Variants in SPATA6 observed in about 807,000 individuals in gnomAD.
SPATA6 encodes spermatogenesis-associated protein 6.
In SPATA6, 56 loss-of-function variants were observed where a neutral mutation model predicts 65.3. The observed-to-expected ratio is 0.86, with a 90% CI of 0.69 to 1.07. The LOEUF (loss-of-function observed/expected upper bound fraction) is 1.07. SPATA6 is among the 50% of genes least tolerant of loss of function. The pLI, the probability that SPATA6 is intolerant of heterozygous loss-of-function variation, is 0.00. For synonymous variants in SPATA6, 199 were observed against 213.2 expected (o/e 0.93, Z 0.58); for missense variants, 590 against 594.8 (o/e 0.99, Z 0.08).
At chr1:48,367,898 C>T (rs1296230017) in intron 9 of SPATA6, among the ~76,000 whole-genome samples, 1 of 152,166 alleles carries the variant, frequency 6.6e-6, no homozygotes, top group East Asian at 1.9e-4. Flanking sequence ...CCTTCATGAT[C>T]TTTATAATTT....
chr1:48,366,216 C>T (rs1027758475), intron 9 of SPATA6, among the ~76,000 whole-genome samples: 1 of 152,008 alleles, frequency 6.6e-6, no homozygotes, highest in Admixed American at 6.6e-5. Flanking sequence ...TTGAGGATTT[C>T]TGCATCAATG....
At chr1:48,281,736 T>C in the SPATA6 span, among the ~76,000 whole-genome samples, 13 of 151,936 alleles carry the variant, frequency 8.6e-5, no homozygotes, top group Non-Finnish European at 1.3e-4. Context: ...GAAGAATCAA[T>C]ATCGTGAAAA....
At chr1:48,445,576 C>T (rs1476684116) in intron 3 of SPATA6, among the ~76,000 whole-genome samples, 5 of 137,900 alleles carry the variant, frequency 3.6e-5, no homozygotes, top group African/African-American at 5.5e-5. Context: ...AGGAGAATGG[C>T]GTGAACCCAG....
intron 6 of SPATA6, chr1:48,400,745 G>A: frequency 7.9e-7 from 1 of 1,260,962 alleles, no homozygotes; most frequent in South Asian, 1.3e-5. Context: ...TTTCAGCTAG[G>A]GCAATGGTCT....
At chr1:48,422,815 C>A (rs1653470705) in intron 3 of SPATA6, among the ~76,000 whole-genome samples, 1 of 152,122 alleles carries the variant, frequency 6.6e-6, no homozygotes, top group African/African-American at 2.4e-5. Context: ...TAAAAACAGG[C>A]ATACGTCTAC....
chr1:48,329,264 T>TA (rs993289726), intron 11 of SPATA6, among the ~76,000 whole-genome samples: 2 of 152,198 alleles, frequency 1.3e-5, no homozygotes, highest in African/African-American at 4.8e-5. Flanking sequence ...ATAAAATTAT[T>TA]AGATGCATCT....
chr1:48,299,552 T>TA (rs1054851215), intron 12 of SPATA6, among the ~76,000 whole-genome samples: 11 of 112,152 alleles, frequency 9.8e-5, no homozygotes, highest in Non-Finnish European at 2.0e-4. Context: ...GCATAGTTGC[T>TA]AAAAGTCAGG....
At chr1:48,276,070 T>C in the SPATA6 span, among the ~76,000 whole-genome samples, 1 of 152,216 alleles carries the variant, frequency 6.6e-6, no homozygotes, top group Non-Finnish European at 1.5e-5. Context: ...TGGGAAGGTG[T>C]CTGTGTCCAG....
chr1:48,355,582 G>A, intron 11 of SPATA6, 88 bp downstream of exon 11: 2 of 895,404 alleles, frequency 2.2e-6, no homozygotes, highest in South Asian at 2.0e-5. Context: ...TTTCTTCCCG[G>A]TGACTAAATT....
intron 11 of SPATA6, chr1:48,325,272 C>A (rs1284998232): frequency 2.2e-6 from 2 of 919,794 alleles, no homozygotes. Flanking sequence ...AACAAGCCAC[C>A]AATGAGTGCT....
chr1:48,367,474 A>G (rs1433166325), intron 9 of SPATA6, among the ~76,000 whole-genome samples: 5 of 152,292 alleles, frequency 3.3e-5, no homozygotes, highest in East Asian at 1.9e-4. Flanking sequence ...ATGAATCTGC[A>G]TGCTCCTGTA....
intron 12 of SPATA6, among the ~76,000 whole-genome samples, chr1:48,299,554 A>G (rs1382679792): frequency 6.9e-6 from 1 of 144,616 alleles, no homozygotes. Context: ...ATAGTTGCTA[A>G]AAGTCAGGCA....
intron 11 of SPATA6, among the ~76,000 whole-genome samples, chr1:48,350,657 T>C (rs1422163027): frequency 6.6e-6 from 1 of 152,010 alleles, no homozygotes; most frequent in Non-Finnish European, 1.5e-5. Flanking sequence ...TAATTGGCTT[T>C]ACACTTTTGT....
chr1:48,279,045 G>T, the SPATA6 span, among the ~76,000 whole-genome samples: 7 of 152,180 alleles, frequency 4.6e-5, no homozygotes, highest in Admixed American at 2.6e-4. Flanking sequence ...TTAAAGAAAA[G>T]AATTTTCAAC....
chr1:48,470,142 C>T (rs886602241), intron 1 of SPATA6, among the ~76,000 whole-genome samples: 1 of 152,190 alleles, frequency 6.6e-6, no homozygotes, highest in African/African-American at 2.4e-5. Flanking sequence ...CAGTCATTCA[C>T]TTTTCTGCAA....
intron 4 of SPATA6, among the ~76,000 whole-genome samples, chr1:48,412,152 G>C (rs893672029): frequency 3.3e-5 from 5 of 152,062 alleles, no homozygotes; most frequent in Admixed American, 2.6e-4. Context: ...GAGCCACCGC[G>C]CCCAGCCAGC....
intron 12 of SPATA6, among the ~76,000 whole-genome samples, 196 bp from the exon 13 acceptor site, chr1:48,299,089 T>G (rs566057893): frequency 1.1e-4 from 16 of 152,200 alleles, no homozygotes; most frequent in African/African-American, 3.6e-4. Context: ...TGTGTAAAAC[T>G]GTTATAAAAC....
At chr1:48,317,497 A>T (rs965328142) in intron 11 of SPATA6, among the ~76,000 whole-genome samples, 1 of 151,958 alleles carries the variant, frequency 6.6e-6, no homozygotes, top group African/African-American at 2.4e-5. Context: ...TGGACACAGG[A>T]AGGGGAACAT....
the SPATA6 span, among the ~76,000 whole-genome samples, chr1:48,284,263 G>A: frequency 6.6e-6 from 1 of 152,060 alleles, no homozygotes; most frequent in African/African-American, 2.4e-5. Flanking sequence ...CTCATGCTGT[G>A]TTTTTCAACT....
Sources: allele counts gnomAD v4.1 joint callset (sites outside exome capture counted in the v4.1 genomes callset), GRCh38; gene constraint gnomAD v4.1.1; transcripts MANE v1.5; gene names NCBI Gene and HGNC (gene_info 2026-07-23, HGNC 2026-07-21).